Variants in GAREM1 observed in about 807,000 individuals in gnomAD.
GAREM1 encodes the protein GRB2-associated and regulator of MAPK protein 1.
A neutral mutation model predicts 71.3 loss-of-function variants in GAREM1; 26 were observed. The ratio of observed to expected loss-of-function variants is 0.36; its 90% CI spans 0.27 to 0.51. GAREM1 has a LOEUF of 0.51. GAREM1 is among the 20% of genes least tolerant of loss of function. The pLI is 0.95. For synonymous variants in GAREM1, 440 were observed against 433.2 expected, an observed-to-expected ratio of 1.02 and a Z score of -0.20; for missense variants, 1,026 against 1,103.1, an observed-to-expected ratio of 0.93 and a Z score of 0.99.
intron 2 of GAREM1, among the ~76,000 whole-genome samples, chr18:32,315,909 T>C (rs2047373794): frequency 6.6e-6 from 1 of 152,256 alleles, no homozygotes; most frequent in Non-Finnish European, 1.5e-5. Flanking sequence ...TCTTGGTTTC[T>C]TAATATAACC....
At chr18:32,356,908 G>A (rs771214310) in intron 2 of GAREM1, among the ~76,000 whole-genome samples, 4 of 152,070 alleles carry the variant, frequency 2.6e-5, no homozygotes, top group Non-Finnish European at 4.4e-5. Flanking sequence ...CCCAACCATG[G>A]CAATCAATGG....
intron 4 of GAREM1, among the ~76,000 whole-genome samples, chr18:32,278,274 T>C (rs1054056916): frequency 6.6e-6 from 1 of 152,178 alleles, no homozygotes; most frequent in Non-Finnish European, 1.5e-5. Flanking sequence ...GACAGGGCCA[T>C]GTATTTCCTG....
intron 2 of GAREM1, among the ~76,000 whole-genome samples, chr18:32,336,730 A>C (rs1456583339): frequency 6.6e-6 from 1 of 152,220 alleles, no homozygotes; most frequent in Non-Finnish European, 1.5e-5. Flanking sequence ...TATGGATCAT[A>C]AACAGCCACT....
intron 3 of GAREM1, among the ~76,000 whole-genome samples, chr18:32,298,808 G>T (rs896281006): frequency 1.2e-4 from 18 of 152,226 alleles, no homozygotes; most frequent in Non-Finnish European, 2.4e-4. Flanking sequence ...AGGTTATATA[G>T]ACAATATTTG....
chr18:32,282,206 C>T (rs1252810339), intron 4 of GAREM1, among the ~76,000 whole-genome samples: 2 of 152,070 alleles, frequency 1.3e-5, no homozygotes, highest in African/African-American at 4.8e-5. Flanking sequence ...TTCACACGGA[C>T]GTGCATGAAA....
At chr18:32,392,602 T>C (rs3826611) in intron 2 of GAREM1, among the ~76,000 whole-genome samples, 20,324 of 152,170 alleles carry the variant, frequency 0.13, 1,569 homozygotes, top group African/African-American at 0.21. Context: ...CCCCCTGAAG[T>C]TCTGAGGTTG....
intron 2 of GAREM1, among the ~76,000 whole-genome samples, chr18:32,346,877 C>A (rs2047702176): frequency 6.6e-6 from 1 of 152,200 alleles, no homozygotes; most frequent in Non-Finnish European, 1.5e-5. Context: ...CTGAAAAGAA[C>A]TTCCTACAAA....
At chr18:32,269,827 T>C (rs2041431273) in intron 5 of GAREM1, among the ~76,000 whole-genome samples, 1 of 152,168 alleles carries the variant, frequency 6.6e-6, no homozygotes, top group Non-Finnish European at 1.5e-5. Context: ...AGATAGCCAA[T>C]GGGACCCTTT....
At chr18:32,345,514 T>C (rs914671329) in intron 2 of GAREM1, among the ~76,000 whole-genome samples, 3 of 152,134 alleles carry the variant, frequency 2.0e-5, no homozygotes, top group Non-Finnish European at 4.4e-5. Context: ...GTTCTTCAAG[T>C]AGAGTAAAAA....
intron 3 of GAREM1, among the ~76,000 whole-genome samples, chr18:32,289,994 T>G (rs2047064973): frequency 6.6e-6 from 1 of 151,650 alleles, no homozygotes; most frequent in African/African-American, 2.4e-5. Context: ...TTTTTTTTTG[T>G]GTGTGTGTGT....
intron 2 of GAREM1, among the ~76,000 whole-genome samples, chr18:32,379,652 C>G (rs2144639214): frequency 6.6e-6 from 1 of 151,660 alleles, no homozygotes; most frequent in South Asian, 2.1e-4. Context: ...TTGCAGTGAG[C>G]CAAGATCACA....
intron 3 of GAREM1, among the ~76,000 whole-genome samples, chr18:32,297,101 G>A (rs1169840494): frequency 6.6e-6 from 1 of 152,142 alleles, no homozygotes; most frequent in Non-Finnish European, 1.5e-5. Context: ...CGCTATGATG[G>A]CAGTGCTGAG....
In GAREM1 at chr18:32,264,578, T is replaced by C. The variant is rs553372567; in HGVS notation, c.*3293A>G. On this transcript the variant is annotated 3_prime_UTR_variant, in exon 6 of 6. Transcript: ENST00000269209. ...TGTCATAATATTTCCCATAAGATTG[T>C]TGTATTTCGACATGAGACAAGAATA... 16 of 152,340 alleles carry C rather than the reference T, an allele frequency of 1.1e-4. No homozygotes were observed. The Middle Eastern group carries it at 0.017, about 162-fold the overall frequency. 9.4% of individuals were successfully genotyped at this position (152,340 alleles called of 1,614,324 possible).
intron 1 of GAREM1, among the ~76,000 whole-genome samples, chr18:32,438,279 T>C (rs958759926): frequency 5.3e-5 from 8 of 152,238 alleles, no homozygotes; most frequent in African/African-American, 1.4e-4. Context: ...TAGACTCCCA[T>C]GCCAGCCACC....
chr18:32,314,632 A>G (rs1008313101), intron 2 of GAREM1, among the ~76,000 whole-genome samples: 9 of 148,514 alleles, frequency 6.1e-5, no homozygotes, highest in Non-Finnish European at 1.2e-4. Context: ...TCTGTCTCCC[A>G]GGCTGGAGTG....
At chr18:32,385,145 G>A (rs919674479) in intron 2 of GAREM1, among the ~76,000 whole-genome samples, 1 of 150,910 alleles carries the variant, frequency 6.6e-6, no homozygotes, top group African/African-American at 2.4e-5. Context: ...ATACTGGAGA[G>A]CTGATTTCAC....
intron 2 of GAREM1, among the ~76,000 whole-genome samples, chr18:32,361,182 T>C (rs1392967156): frequency 1.3e-5 from 2 of 152,182 alleles, no homozygotes; most frequent in Admixed American, 1.3e-4. Context: ...AGTTCATAAG[T>C]AGATTATCTG....
At chr18:32,403,801 C>T (rs1367485855) in intron 1 of GAREM1, among the ~76,000 whole-genome samples, 1 of 152,182 alleles carries the variant, frequency 6.6e-6, no homozygotes, top group Non-Finnish European at 1.5e-5. Context: ...ACAGTCTATG[C>T]TGAATTTATA....
In GAREM1 at chr18:32,287,014, A is replaced by G. The variant is rs2047025563; in HGVS notation, c.1566+17T>C. ...ACAGAAAGACTGGCACCGCATTCAA[A>G]AACAGAAATGACTTACGGCTTCAGA... On this transcript the variant is annotated intron_variant, in intron 4 of 5. Coordinates refer to ENST00000269209, the MANE Select transcript of GAREM1 (RefSeq NM_001242409.2). This position sits in a 1 kb window ranked among gnomAD's most constrained non-coding sequence, Gnocchi z 5.9. 3 of 1,587,666 alleles carry G rather than the reference A, an allele frequency of 1.9e-6. No homozygotes were observed. Among genetic ancestry groups the G allele is most frequent in the South Asian group, 1.1e-5 (1 of 89,572 alleles).
Sources: allele counts gnomAD v4.1 joint callset (sites outside exome capture counted in the v4.1 genomes callset), GRCh38; gene constraint gnomAD v4.1.1; non-coding constraint Gnocchi (gnomAD v3.1); transcripts MANE v1.5; gene names NCBI Gene and HGNC (gene_info 2026-07-23, HGNC 2026-07-21).